The following POU2AF1 variants were observed in gnomAD, a reference collection of about 807,000 sequenced individuals.
POU2AF1 encodes POU class 2 homeobox associating factor 1.
A neutral mutation model predicts 26.3 loss-of-function variants in POU2AF1; 12 were observed. The observed-to-expected ratio is 0.46, with a 90% CI of 0.29 to 0.74. The LOEUF is 0.74. Ranked by LOEUF, POU2AF1 falls within the 30% of genes least tolerant of loss-of-function variation. The pLI is 0.09. For synonymous variants in POU2AF1, 175 were observed against 148.0 expected, an observed-to-expected ratio of 1.18 and a Z score of -1.32; for missense variants, 297 against 334.5, an observed-to-expected ratio of 0.89 and a Z score of 0.87.
chr11:111,358,859 C>T lies in POU2AF1; in HGVS notation c.76G>A (p.Glu26Lys). 2 of 1,609,218 alleles carry T rather than the reference C, an allele frequency of 1.2e-6. No homozygotes were observed. Among genetic ancestry groups the T allele is most frequent in the Non-Finnish European group, 1.7e-6 (2 of 1,179,986 alleles). The change falls in exon 2 of 5, where the codon GAG becomes AAG. Residue 26 changes from glutamate (E) to lysine (K), a missense_variant. Physicochemically the swap from Glu to Lys is moderately conservative, Grantham distance 56. Transcript: ENST00000393067. ...CTCCTCAGCAGTTCCTTCACTGGCT[C>T]CTTCACACGGACGCCCTGGTATGGC... ...ARPYQGVRVK[E>K]PVKELLRRKR...
In POU2AF1 at chr11:111,352,989, GGAAA is replaced by G. The variant is rs533490239; in HGVS notation, c.*1268_*1271del. Reference sequence around the variant, plus strand: ...AGGAAGGAAGGAAGGAAGGAAGGAAGGAAAGAAGGAAGGAAGGAAGGAAGGAAGG... The same window carrying G: ...AGGAAGGAAGGAAGGAAGGAAGGAAGGAAGGAAGGAAGGAAGGAAGGAAGG... On this transcript the variant is annotated 3_prime_UTR_variant, in exon 5 of 5. Transcript: ENST00000393067. 0.15 allele frequency: 10,185 copies of G among 66,390 alleles called. 1,150 individuals carry two copies. The highest frequency in any genetic ancestry group is 0.39 in the African/African-American group (8,110 of 20,682). The allele number at this position is 66,390 out of a possible 1,614,324, so 4.1% of individuals were successfully genotyped here.
intron 1 of POU2AF1, among the ~76,000 whole-genome samples, chr11:111,360,659 G>C (rs1004836523): frequency 6.6e-6 from 1 of 152,134 alleles, no homozygotes. Flanking sequence ...TGATTCTAGG[G>C]GGCTGATATA....
intron 1 of POU2AF1, among the ~76,000 whole-genome samples, chr11:111,360,508 A>T (rs1272368793): frequency 6.6e-6 from 1 of 152,194 alleles, no homozygotes; most frequent in African/African-American, 2.4e-5. Flanking sequence ...AATGAGTCCC[A>T]GGGGCAGATG....
At chr11:111,372,314 C>A (rs1030873649) in intron 1 of POU2AF1, among the ~76,000 whole-genome samples, 2 of 152,110 alleles carry the variant, frequency 1.3e-5, no homozygotes, top group East Asian at 3.9e-4. Flanking sequence ...GCAGAAGAGG[C>A]CCAGCAGCAA....
At position 111,354,308 on chromosome 11, in the gene POU2AF1, T is replaced by C. The variant is rs760813290; in HGVS notation, c.724A>G (p.Ser242Gly). Reference sequence around the variant, plus strand: ...GTGTGGTTAAGCGCATAGGCGTCGCTATCCTCTTCCTCCAAAAGCAGCTTG... The same window carrying C: ...GTGTGGTTAAGCGCATAGGCGTCGCCATCCTCTTCCTCCAAAAGCAGCTTG... Reference protein sequence around the residue: ...IDKLLLEEEDSDAYALNHTLS... With the variant: ...IDKLLLEEEDGDAYALNHTLS... Residue 242 changes from serine (S) to glycine (G), a missense_variant, in exon 5 of 5, where the codon AGC becomes GGC. Ser to Gly is a moderately conservative substitution (Grantham distance 56, BLOSUM62 0). Transcript: ENST00000393067. 6.2e-7 allele frequency: 1 copy of C among 1,614,256 alleles called. No homozygotes were observed. The highest frequency in any genetic ancestry group is 1.7e-5 in the Admixed American group (1 of 60,028).
intron 2 of POU2AF1, 138 bp downstream of exon 2, chr11:111,358,650 T>TCA (rs912035892): frequency 9.2e-7 from 1 of 1,091,510 alleles, no homozygotes; most frequent in African/African-American, 1.6e-5. Context: ...TATCACACTC[T>TCA]CACACACTCT....
intron 1 of POU2AF1, among the ~76,000 whole-genome samples, chr11:111,378,573 C>G (rs899485363): frequency 5.3e-5 from 8 of 152,276 alleles, no homozygotes; most frequent in Admixed American, 4.6e-4. Context: ...GATGGACAAG[C>G]CTTGTCACAG....
At position 111,358,458 on chromosome 11, in the gene POU2AF1, T is replaced by TCACACACTCACACACACACTCC. The variant is rs1565360921; in HGVS notation, c.147+329_147+330insGGAGTGTGTGTGTGAGTGTGTG. ...CACTCACTCTCACACACACACACTC[T>TCACACACTCACACACACACTCC]CTCACACACATACATTCTCACACAC... On this transcript the variant is annotated intron_variant, in intron 2 of 4. Coordinates refer to ENST00000393067, the MANE Select transcript of POU2AF1 (RefSeq NM_006235.3). Among the ~76,000 whole-genome samples, 58 of 37,746 alleles carry TCACACACTCACACACACACTCC rather than the reference T, an allele frequency of 1.5e-3. 2 individuals carry two copies. Among genetic ancestry groups the TCACACACTCACACACACACTCC allele is most frequent in the African/African-American group, 3.2e-3 (56 of 17,668 alleles). The allele number at this position is 37,746 out of a possible 152,430, so 24.8% of individuals were successfully genotyped here.
chr11:111,353,056 A>C lies in POU2AF1; in HGVS notation c.*1205T>G. 1.0e-5 allele frequency: 2 copies of C among 197,956 alleles called. No individual in the cohort carries two copies. Among genetic ancestry groups the C allele is most frequent in the African/African-American group, 3.4e-5 (1 of 29,408 alleles). The allele number at this position is 197,956 out of a possible 1,614,324, so 12.3% of individuals were successfully genotyped here. A position where few individuals can be genotyped will look rare whatever the true frequency, so the allele number is the denominator to read the frequency against. On this transcript the variant is annotated 3_prime_UTR_variant, in exon 5 of 5. Transcript: ENST00000393067. ...AAGGAAGGAAGGAAGGAAGGAAGGA[A>C]AGAAACAAAACCCACATGGTAGCAC...
At chr11:111,372,069 CAGAG>C (rs150182572) in intron 1 of POU2AF1, among the ~76,000 whole-genome samples, 1 of 144,262 alleles carries the variant, frequency 6.9e-6, no homozygotes, top group African/African-American at 2.7e-5. Flanking sequence ...CACACACACA[CAGAG>C]AGAGAGAGAG....
chr11:111,372,059 C>CAGAG (rs1257581791), intron 1 of POU2AF1, among the ~76,000 whole-genome samples: 6 of 143,816 alleles, frequency 4.2e-5, no homozygotes, highest in African/African-American at 1.6e-4. Flanking sequence ...CACACACACA[C>CAGAG]ACACACACAC....
intron 1 of POU2AF1, among the ~76,000 whole-genome samples, chr11:111,367,793 T>C (rs1861133343): frequency 6.6e-6 from 1 of 152,180 alleles, no homozygotes; most frequent in South Asian, 2.1e-4. Flanking sequence ...CCTTCTCACA[T>C]GAGGAGTGAC....
chr11:111,366,994 C>G (rs975704710), intron 1 of POU2AF1, among the ~76,000 whole-genome samples: 8 of 152,172 alleles, frequency 5.3e-5, no homozygotes, highest in African/African-American at 1.9e-4. Flanking sequence ...CATTTACACC[C>G]TAAGGCCTCA....
intron 1 of POU2AF1, among the ~76,000 whole-genome samples, chr11:111,365,215 C>T (rs994129466): frequency 1.3e-5 from 2 of 152,142 alleles, no homozygotes; most frequent in African/African-American, 4.8e-5. Flanking sequence ...GACATCACGG[C>T]CGGTCAAGAG....
At chr11:111,362,085 C>T (rs1861020606) in intron 1 of POU2AF1, among the ~76,000 whole-genome samples, 1 of 152,188 alleles carries the variant, frequency 6.6e-6, no homozygotes, top group Non-Finnish European at 1.5e-5. Flanking sequence ...TACAATCTGA[C>T]GTGTCAGCGA....
chr11:111,358,847 C>T lies in POU2AF1; in HGVS notation c.88G>A (p.Glu30Lys), dbSNP rs1812856706. The T allele has an allele frequency of 1.2e-6, 2 of 1,609,094 alleles. No individual in the cohort carries two copies. The highest frequency in any genetic ancestry group is 2.7e-5 in the African/African-American group (2 of 74,934). The change falls in exon 2 of 5, where the codon GAA becomes AAA. Residue 30 changes from glutamate to lysine, a missense_variant. Transcript: ENST00000393067. ...TGGCCTCGCTTCCTCCTCAGCAGTT[C>T]CTTCACTGGCTCCTTCACACGGACG... ...QGVRVKEPVKELLRRKRGHAS... is the reference protein window; with the variant it reads ...QGVRVKEPVKKLLRRKRGHAS...
At chr11:111,378,007 G>A (rs1861342488) in intron 1 of POU2AF1, among the ~76,000 whole-genome samples, 1 of 152,164 alleles carries the variant, frequency 6.6e-6, no homozygotes, top group Non-Finnish European at 1.5e-5. Context: ...TTCACAACCT[G>A]AGAAATTTTG....
chr11:111,354,596 A>G, intron 4 of POU2AF1, 21 bp from the exon 5 acceptor site: 1 of 1,497,374 alleles, frequency 6.7e-7, no homozygotes, highest in Non-Finnish European at 8.9e-7. Context: ...AAAACACGTG[A>G]CAGAGGGTTA....
chr11:111,361,650 T>C (rs1433147344), intron 1 of POU2AF1, among the ~76,000 whole-genome samples: 1 of 152,214 alleles, frequency 6.6e-6, no homozygotes, highest in Non-Finnish European at 1.5e-5. Flanking sequence ...CAGCTCTTCC[T>C]CCTACTGAGG....
Sources: allele counts gnomAD v4.1 joint callset (sites outside exome capture counted in the v4.1 genomes callset), GRCh38; gene constraint gnomAD v4.1.1; transcripts MANE v1.5; gene names NCBI Gene and HGNC (gene_info 2026-07-23, HGNC 2026-07-21).